The following TMCO5A variants were observed in gnomAD, a reference collection of about 807,000 sequenced individuals.
TMCO5A encodes the protein transmembrane and coiled-coil domain-containing protein 5A.
A neutral mutation model predicts 42.3 loss-of-function variants in TMCO5A; 34 were observed. The observed-to-expected ratio is 0.80, with a 90% CI of 0.61 to 1.07. The LOEUF is 1.07. Among genes scored for constraint, TMCO5A ranks in the 50% least tolerant of loss-of-function variants. The pLI, the probability that TMCO5A is intolerant of heterozygous loss-of-function variation, is 0.00. For synonymous variants in TMCO5A, 131 were observed against 115.6 expected (o/e 1.13, Z -0.86); for missense variants, 357 against 327.9 (o/e 1.09, Z -0.69).
chr15:37,963,663 A>T (rs1890486852), intron 11 of TMCO5A, among the ~76,000 whole-genome samples: 1 of 152,074 alleles, frequency 6.6e-6, no homozygotes. Flanking sequence ...GAAGTCCCCC[A>T]CTATTATCAT....
Position 37,951,263 on chromosome 15 carries a change from A to G in TMCO5A, c.*29A>G. The G allele has an allele frequency of 6.2e-7, 1 of 1,605,174 alleles. No individual in the cohort carries two copies. Among genetic ancestry groups the G allele is most frequent in the Non-Finnish European group, 8.5e-7 (1 of 1,173,102 alleles). ...CCTAAGAAATATCCTTGAGCAATAG[A>G]AGGGAAGTGGGATCCGAGCCTGTAG... On this transcript the variant is annotated 3_prime_UTR_variant, in exon 12 of 12. Transcript: ENST00000319669.
intron 11 of TMCO5A, among the ~76,000 whole-genome samples, chr15:37,948,723 C>A (rs1352155239): frequency 6.6e-6 from 1 of 152,062 alleles, no homozygotes; most frequent in East Asian, 1.9e-4. Context: ...TCTTTCCTCT[C>A]ATTCTGCTTC....
At chr15:38,036,629 G>C in the TMCO5A span, among the ~76,000 whole-genome samples, 1 of 152,018 alleles carries the variant, frequency 6.6e-6, no homozygotes, top group East Asian at 1.9e-4. Flanking sequence ...TCTCAGGCTA[G>C]AAATTATTTC....
chr15:38,012,435 C>G, the TMCO5A span, among the ~76,000 whole-genome samples: 1 of 152,090 alleles, frequency 6.6e-6, no homozygotes, highest in Non-Finnish European at 1.5e-5. Flanking sequence ...GAGAAAAGCT[C>G]AGAGGGCTTT....
At chr15:38,025,201 G>GTGTGT in the TMCO5A span, among the ~76,000 whole-genome samples, 1 of 144,630 alleles carries the variant, frequency 6.9e-6, no homozygotes, top group African/African-American at 2.6e-5. Context: ...GTGTGTGTGT[G>GTGTGT]GAAGCAGAAA....
chr15:37,960,637 A>T (rs1276403739), intron 11 of TMCO5A, among the ~76,000 whole-genome samples: 1 of 152,148 alleles, frequency 6.6e-6, no homozygotes, highest in Non-Finnish European at 1.5e-5. Flanking sequence ...ACTAGTTTAC[A>T]TTCCAACCAG....
the TMCO5A span, among the ~76,000 whole-genome samples, chr15:38,037,575 G>C: frequency 6.6e-6 from 1 of 152,200 alleles, no homozygotes; most frequent in Non-Finnish European, 1.5e-5. Context: ...GCCAAGAGGA[G>C]TAAGTGCAGA....
chr15:37,953,070 C>G (rs1890199585), downstream of TMCO5A, among the ~76,000 whole-genome samples: 1 of 152,152 alleles, frequency 6.6e-6, no homozygotes, highest in South Asian at 2.1e-4. Flanking sequence ...AGATGGACTT[C>G]TAAAGCTCTT....
downstream of TMCO5A, among the ~76,000 whole-genome samples, chr15:37,955,080 G>A: frequency 6.6e-6 from 1 of 152,002 alleles, no homozygotes; most frequent in East Asian, 1.9e-4. Context: ...AATGGCAGAA[G>A]TAATTTTTTA....
chr15:37,979,249 T>C, the TMCO5A span, among the ~76,000 whole-genome samples: 3 of 152,040 alleles, frequency 2.0e-5, no homozygotes, highest in South Asian at 6.2e-4. Context: ...AGGTCCTCCT[T>C]AGTCCTTAGT....
the TMCO5A span, among the ~76,000 whole-genome samples, chr15:38,021,401 A>C: frequency 1.3e-5 from 2 of 152,188 alleles, no homozygotes; most frequent in Non-Finnish European, 2.9e-5. Context: ...AACTCAGCAT[A>C]TTTCCACCTT....
intron 11 of TMCO5A, among the ~76,000 whole-genome samples, chr15:37,957,410 A>G (rs1890318313): frequency 1.3e-5 from 2 of 151,030 alleles, no homozygotes; most frequent in African/African-American, 4.9e-5. Context: ...ATACAAAATC[A>G]ATGTGCAAAA....
chr15:37,969,222 C>A (rs1035853754), downstream of TMCO5A, among the ~76,000 whole-genome samples: 1 of 152,148 alleles, frequency 6.6e-6, no homozygotes, highest in African/African-American at 2.4e-5. Context: ...CATGTGTTAG[C>A]AAAGCCATTC....
the TMCO5A span, among the ~76,000 whole-genome samples, chr15:37,990,566 A>T: frequency 6.6e-6 from 1 of 151,358 alleles, no homozygotes; most frequent in African/African-American, 2.4e-5. Context: ...GATTTTTTAA[A>T]ATTTATTCTG....
the TMCO5A span, among the ~76,000 whole-genome samples, chr15:37,986,380 GGTGTGTGTGT>G: frequency 0.012 from 1,716 of 139,282 alleles, 32 homozygotes; most frequent in African/African-American, 0.043. Flanking sequence ...GGTAAGGGAT[GGTGTGTGTGT>G]GTGTGTGTGT....
Position 37,936,345 on chromosome 15 carries a change from C to T in TMCO5A, c.22C>T (p.Gln8Ter). The change falls in exon 3 of 12, where the codon CAG (glutamine) becomes TAG (stop). Residue 8 changes from glutamine to a stop codon, truncating the protein, a stop_gained. Coordinates refer to ENST00000319669, the MANE Select transcript of TMCO5A (RefSeq NM_152453.4). LOFTEE classifies it high-confidence loss of function. ...GAAAATGGAAATCTCAAGATTGGCT[C>T]AGTCAAAAAGAAACATTATCAGTTT... MEISRLA[Q>*]SKRNIISLNM... 6.2e-7 allele frequency: 1 copy of T among 1,612,182 alleles called. No homozygotes were observed. The highest frequency in any genetic ancestry group is 1.7e-4 in the Middle Eastern group (1 of 6,030).
chr15:38,003,935 CT>C, the TMCO5A span, among the ~76,000 whole-genome samples: 1 of 152,148 alleles, frequency 6.6e-6, no homozygotes, highest in African/African-American at 2.4e-5. Context: ...ACCAAGTCCC[CT>C]TACTCTTCTT....
At chr15:37,964,837 C>T (rs931009724) in intron 11 of TMCO5A, among the ~76,000 whole-genome samples, 1 of 152,072 alleles carries the variant, frequency 6.6e-6, no homozygotes, top group Admixed American at 6.6e-5. Flanking sequence ...TCCATACTAC[C>T]CAAAGCAATC....
the TMCO5A span, among the ~76,000 whole-genome samples, chr15:38,007,588 ACT>A: frequency 6.6e-6 from 1 of 152,292 alleles, no homozygotes; most frequent in East Asian, 1.9e-4. Context: ...CCTAAAACAC[ACT>A]CTCAAAGACT....
Sources: allele counts gnomAD v4.1 joint callset (sites outside exome capture counted in the v4.1 genomes callset), GRCh38; gene constraint gnomAD v4.1.1; transcripts MANE v1.5; gene names NCBI Gene and HGNC (gene_info 2026-07-23, HGNC 2026-07-21).